Variants in SLC12A4 observed in about 807,000 individuals in gnomAD.
SLC12A4 encodes the protein electroneutral potassium-chloride cotransporter 1.
Under a neutral mutation model 119.2 loss-of-function variants are expected in SLC12A4, and 84 were observed. The ratio of observed to expected loss-of-function variants is 0.70; its 90% confidence interval spans 0.59 to 0.85. The LOEUF (loss-of-function observed/expected upper bound fraction) is 0.85, where lower values mean the gene tolerates loss of function less well. SLC12A4 is among the 40% of genes least tolerant of loss of function. The pLI, the probability that SLC12A4 is intolerant of heterozygous loss-of-function variation, is 0.00. For synonymous variants in SLC12A4, 599 were observed against 604.6 expected (o/e 0.99, Z 0.14); for missense variants, 1,298 against 1,476.3 (o/e 0.88, Z 1.98).
At chr16:67,952,776 G>A (rs553456961) in intron 6 of SLC12A4, among the ~76,000 whole-genome samples, 6 of 145,166 alleles carry the variant, frequency 4.1e-5, no homozygotes, top group African/African-American at 1.0e-4. Flanking sequence ...GTGACAGAGG[G>A]GGACTCCGTC....
rs2029930289 is a variant in SLC12A4 at position 67,951,914 on chromosome 16, G to T, written c.1041C>A (p.Asn347Lys). The change falls in exon 8 of 24, where the codon AAC becomes AAA. Residue 347 changes from asparagine (N) to lysine (K), a missense_variant. Asn to Lys is a moderately conservative substitution (Grantham distance 94). Transcript: ENST00000316341. The surrounding 1 kb of genome is among the most constrained non-coding windows in gnomAD (Gnocchi z 5.2). ...AGGGGTCACAGGAGTCGGTCGTAAG[G>T]TTGGGGCTGTGGCAGAAGAAACTCC... ...QLWSFFCHSP[N>K]LTTDSCDPYF... 6.2e-7 allele frequency: 1 copy of T among 1,613,868 alleles called. No homozygotes were observed. Among genetic ancestry groups the T allele is most frequent in the African/African-American group, 1.3e-5 (1 of 74,912 alleles).
At chr16:67,954,138 A>G in intron 6 of SLC12A4, 1 of 410,092 alleles carries the variant, frequency 2.4e-6, no homozygotes, top group East Asian at 8.9e-5. Context: ...TCACTGGGGA[A>G]TGAGAAGCTG....
In SLC12A4 at chr16:67,944,434, T is replaced by G; in HGVS notation, c.*406A>C. 2 of 1,259,964 alleles carry G rather than the reference T, an allele frequency of 1.6e-6. No individual in the cohort carries two copies. Among genetic ancestry groups the G allele is most frequent in the Non-Finnish European group, 2.0e-6 (2 of 1,000,870 alleles). The allele number at this position is 1,259,964 out of a possible 1,614,324, so 78.0% of individuals were successfully genotyped here. On this transcript the variant is annotated 3_prime_UTR_variant, in exon 24 of 24. Coordinates refer to ENST00000316341, the MANE Select transcript of SLC12A4 (RefSeq NM_005072.5). This position sits in a 1 kb window ranked among gnomAD's most constrained non-coding sequence, Gnocchi z 6.6. ...TGCCCATAGTAGACTGAGCCAGATC[T>G]TCCTGCAGGCAGCTGGGCTGGACTC...
intron 6 of SLC12A4, among the ~76,000 whole-genome samples, chr16:67,952,814 G>A (rs557713969): frequency 6.6e-6 from 1 of 151,680 alleles, no homozygotes; most frequent in East Asian, 1.9e-4. Flanking sequence ...ATAGGTCAGC[G>A]CCGTGGCTCA....
chr16:67,951,697 TG>T lies in SLC12A4; in HGVS notation c.1132+125del, dbSNP rs910678063. On this transcript the variant is annotated intron_variant, in intron 8 of 23. Coordinates refer to ENST00000316341, the MANE Select transcript of SLC12A4 (RefSeq NM_005072.5). This position sits in a 1 kb window ranked among gnomAD's most constrained non-coding sequence, Gnocchi z 5.2. ...GCCAGGAGCCAGGCTGGGAGGACAC[TG>T]GGGGGCTGGGAAGGCGGCCAGTCCT... 15 of 867,844 alleles carry T rather than the reference TG, an allele frequency of 1.7e-5. No homozygotes were observed. Among genetic ancestry groups the T allele is most frequent in the African/African-American group, 5.0e-5 (3 of 59,846 alleles). 53.8% of individuals were successfully genotyped at this position (867,844 alleles called of 1,614,324 possible).
intron 21 of SLC12A4, 87 bp from the exon 22 acceptor site, chr16:67,945,640 G>T: frequency 6.6e-7 from 1 of 1,519,084 alleles, no homozygotes; most frequent in Non-Finnish European, 9.0e-7. Context: ...CTTGCCTCCG[G>T]GAAATGAGCA....
rs1567418913 is a variant in SLC12A4, at chr16:67,951,729, C to T, written c.1132+94G>A. On this transcript the variant is annotated intron_variant, in intron 8 of 23. Coordinates refer to ENST00000316341, the MANE Select transcript of SLC12A4 (RefSeq NM_005072.5). The surrounding 1 kb of genome is among the most constrained non-coding windows in gnomAD (Gnocchi z 5.2). ...CTGGGAAGGCGGCCAGTCCTGCCCC[C>T]GTTCCCAAGCTGGCCACACAAGGAC... The T allele has an allele frequency of 1.0e-5, 12 of 1,182,816 alleles. No homozygotes were observed. The highest frequency in any genetic ancestry group is 2.9e-5 in the South Asian group (2 of 68,484). 73.3% of individuals were successfully genotyped at this position (1,182,816 alleles called of 1,614,324 possible). A position where few individuals can be genotyped will look rare whatever the true frequency, so the allele number is the denominator to read the frequency against.
rs1170861542 is a variant in SLC12A4 at position 67,946,075 on chromosome 16, C to T, written c.2615G>A (p.Arg872Lys). ...PFLLRQHKVW[R>K]KCRMRIFTVA... ...TGTGAAGATGCGCATCCGGCACTTC[C>T]TCCAGACCTGAGGCAAGGGACCAGG... Residue 872 changes from arginine to lysine, a missense_variant, in exon 20 of 24, where the codon AGG (arginine) becomes AAG (lysine). Coordinates refer to ENST00000316341, the MANE Select transcript of SLC12A4 (RefSeq NM_005072.5). 6.2e-7 allele frequency: 1 copy of T among 1,613,814 alleles called. No homozygotes were observed. The highest frequency in any genetic ancestry group is 1.7e-5 in the Admixed American group (1 of 60,026).
chr16:67,946,140 C>A (rs757055068), intron 19 of SLC12A4, 31 bp downstream of exon 19: 1 of 1,613,266 alleles, frequency 6.2e-7, no homozygotes, highest in Non-Finnish European at 8.5e-7. Flanking sequence ...AGGGCCTAGC[C>A]CCTCTCATCT....
Position 67,952,449 on chromosome 16 carries a change from A to T in SLC12A4, c.676-24T>A, listed in dbSNP as rs1169435188. ...GTCTGAAACAAGAAGATGGATAAGG[A>T]GGGTTTTATTTCTTATTTGGAAAGT... On this transcript the variant is annotated intron_variant, in intron 6 of 23. Coordinates refer to ENST00000316341, the MANE Select transcript of SLC12A4 (RefSeq NM_005072.5). The T allele has an allele frequency of 3.7e-6, 6 of 1,611,292 alleles. No individual in the cohort carries two copies. In the Admixed American group the frequency reaches 1.0e-4, roughly 27 times the overall value.
Position 67,950,308 on chromosome 16 carries a change from G to C in SLC12A4, c.1629+11C>G. 1 of 1,612,972 alleles carries C rather than the reference G, an allele frequency of 6.2e-7. No homozygotes were observed. The highest frequency in any genetic ancestry group is 8.5e-7 in the Non-Finnish European group (1 of 1,179,632). ...AGCAGCCAGGCCATGGGGGAGTGCA[G>C]AGGGGCTCACCCGGAGGAAGGGGAT... is the stretch of plus-strand genomic sequence containing the variant. On this transcript the variant is annotated intron_variant, in intron 12 of 23. Coordinates refer to ENST00000316341, the MANE Select transcript of SLC12A4 (RefSeq NM_005072.5). The surrounding 1 kb of genome is among the most constrained non-coding windows in gnomAD (Gnocchi z 4.3).
At chr16:67,954,876 T>C in intron 5 of SLC12A4, 103 bp from the exon 6 acceptor site, 1 of 1,436,274 alleles carries the variant, frequency 7.0e-7, no homozygotes, top group Non-Finnish European at 9.6e-7. Context: ...CAGGGACTGC[T>C]TTTCCTGTTT....
intron 17 of SLC12A4, 112 bp from the exon 18 acceptor site, chr16:67,946,745 G>A: frequency 7.6e-7 from 1 of 1,320,552 alleles, no homozygotes; most frequent in South Asian, 1.4e-5. Flanking sequence ...GGGCCTGGGG[G>A]CAACAAGCTG....
Position 67,944,627 on chromosome 16 carries a change from C to T in SLC12A4, c.*213G>A, listed in dbSNP as rs2058319531. ...CTACTGGGGTGCTAGATAGTAAAGTCCCCAAACATCCCAGGGTCCCACAAG... is the reference window on the plus strand; with the variant it reads ...CTACTGGGGTGCTAGATAGTAAAGTTCCCAAACATCCCAGGGTCCCACAAG... On this transcript the variant is annotated 3_prime_UTR_variant, in exon 24 of 24. Transcript: ENST00000316341. The surrounding 1 kb of genome is among the most constrained non-coding windows in gnomAD (Gnocchi z 6.6). 6 of 1,413,606 alleles carry T rather than the reference C, an allele frequency of 4.2e-6. No homozygotes were observed. Among genetic ancestry groups the T allele is most frequent in the Non-Finnish European group, 5.5e-6 (6 of 1,086,764 alleles). The allele number at this position is 1,413,606 out of a possible 1,614,324, so 87.6% of individuals were successfully genotyped here. A position where few individuals can be genotyped will look rare whatever the true frequency, so the allele number is the denominator to read the frequency against.
In SLC12A4 at chr16:67,944,857, T is replaced by C. The variant is rs747882779; in HGVS notation, c.3241A>G (p.Ile1081Val). Reference sequence around the variant, plus strand: ...CACTGGGCTCAGGAGTAGATGGTGATGACTTCACGGCCACCACCGCGCACC... The same window carrying C: ...CACTGGGCTCAGGAGTAGATGGTGACGACTTCACGGCCACCACCGCGCACC... ...LLVRGGGREVITIYS is the reference protein window; with the variant it reads ...LLVRGGGREVVTIYS The change falls in exon 24 of 24, where the codon ATC becomes GTC. Residue 1081 changes from isoleucine to valine, a missense_variant. By Grantham distance (29) the Ile-to-Val change is conservative (BLOSUM62 3). Transcript: ENST00000316341. This position sits in a 1 kb window ranked among gnomAD's most constrained non-coding sequence, Gnocchi z 6.6. 3 of 1,613,224 alleles carry C rather than the reference T, an allele frequency of 1.9e-6. No individual in the cohort carries two copies. The Admixed American group carries it at 5.0e-5, about 27-fold the overall frequency.
At position 67,951,379 on chromosome 16, in the gene SLC12A4, C is replaced by T. The variant is rs769389659; in HGVS notation, c.1133-75G>A. The T allele has an allele frequency of 1.4e-5, 21 of 1,527,100 alleles. No individual in the cohort carries two copies. The highest frequency in any genetic ancestry group is 6.2e-5 in the South Asian group (5 of 80,826). 94.6% of individuals were successfully genotyped at this position (1,527,100 alleles called of 1,614,324 possible). ...TAGTTTGGGGCAGCCTAGCCAGAGG[C>T]GCAGATGCAGGGCAACTTTGGGGAC... On this transcript the variant is annotated intron_variant, in intron 8 of 23. Coordinates refer to ENST00000316341, the MANE Select transcript of SLC12A4 (RefSeq NM_005072.5). The surrounding 1 kb of genome is among the most constrained non-coding windows in gnomAD (Gnocchi z 5.2).
intron 1 of SLC12A4, among the ~76,000 whole-genome samples, chr16:67,967,805 GTGATGCTGGAGGA>G (rs1229698970): frequency 1.3e-5 from 2 of 152,160 alleles, no homozygotes; most frequent in African/African-American, 2.4e-5. Flanking sequence ...TATCCCAAGG[GTGATGCTGGAGGA>G]TTAAACGAGT....
At position 67,943,732 on chromosome 16, in the gene SLC12A4, C is replaced by A. The variant is rs1015784357; in HGVS notation, c.*1108G>T. ...AGGCACACCCCGTCCCCCACTCCGC[C>A]CCCCCTGGGTTAGACAACTGAGAGT... On this transcript the variant is annotated 3_prime_UTR_variant, in exon 24 of 24. Coordinates refer to ENST00000316341, the MANE Select transcript of SLC12A4 (RefSeq NM_005072.5). The surrounding 1 kb of genome is among the most constrained non-coding windows in gnomAD (Gnocchi z 4.6). The A allele has an allele frequency of 2.8e-5, 16 of 580,048 alleles. No individual in the cohort carries two copies. The highest frequency in any genetic ancestry group is 3.3e-5 in the Non-Finnish European group (11 of 331,958). 35.9% of individuals were successfully genotyped at this position (580,048 alleles called of 1,614,324 possible). A position where few individuals can be genotyped will look rare whatever the true frequency, so the allele number is the denominator to read the frequency against.
Position 67,968,519 on chromosome 16 carries a change from G to T in SLC12A4, c.35C>A (p.Pro12Gln), listed in dbSNP as rs1376960571. 5 of 1,582,248 alleles carry T rather than the reference G, an allele frequency of 3.2e-6. No individual in the cohort carries two copies. In the Admixed American group the frequency reaches 8.7e-5, roughly 28 times the overall value. The change falls in exon 1 of 24, where the codon CCG (proline) becomes CAG (glutamine). Residue 12 changes from proline to glutamine, a missense_variant. Transcript: ENST00000316341. ...GAGGTTGTCATAGTCGCCGCGCCTC[G>T]GCCCGTCCACTGGCACCACGGTGAA... ...PHFTVVPVDG[P>Q]RRGDYDNLEG...
Sources: gnomAD v4.1 joint callset for allele counts (sites outside exome capture counted in the v4.1 genomes callset) on GRCh38, gnomAD v4.1.1 for gene constraint, Gnocchi (gnomAD v3.1) non-coding constraint, MANE v1.5 for transcripts, NCBI Gene and HGNC (gene_info 2026-07-23, HGNC 2026-07-21) for gene names.